Variants in DYM observed in about 807,000 individuals in gnomAD.
DYM encodes the protein dymeclin.
In DYM, 78 loss-of-function variants were observed where a neutral mutation model predicts 93.1. That is an observed-to-expected ratio of 0.84 (90% confidence interval 0.70 to 1.01). The LOEUF is 1.01. Among genes scored for constraint, DYM ranks in the 50% least tolerant of loss-of-function variants. The pLI is 0.00. For missense variants in DYM, 789 were observed against 845.0 expected, an observed-to-expected ratio of 0.93 and a Z score of 0.82; for synonymous variants, 321 against 319.7, an observed-to-expected ratio of 1.00 and a Z score of -0.04.
intron 13 of DYM, among the ~76,000 whole-genome samples, chr18:49,253,645 C>A (rs995934315): frequency 3.3e-5 from 5 of 152,110 alleles, no homozygotes; most frequent in African/African-American, 1.2e-4. Context: ...TGGTCCGCAC[C>A]GGCTACTCAA....
In DYM at chr18:49,202,320, A is replaced by C. The variant is rs184046987; in HGVS notation, c.1625+7231T>G. 1.8e-3 allele frequency among the ~76,000 whole-genome samples: 276 copies of C among 152,236 alleles called. 1 individual carries two copies. The highest frequency in any genetic ancestry group is 6.5e-3 in the African/African-American group (269 of 41,544). Reference sequence around the variant, plus strand: ...ACAGAAAAGAACTCTAGGGGAGTGCAGTGGCGTGATCTCGGCTCACTACAA... The same window carrying C: ...ACAGAAAAGAACTCTAGGGGAGTGCCGTGGCGTGATCTCGGCTCACTACAA... On this transcript the variant is annotated intron_variant, in intron 14 of 17. Transcript: ENST00000675505.
At chr18:49,149,755 A>G (rs1243715219) in intron 15 of DYM, among the ~76,000 whole-genome samples, 1 of 125,078 alleles carries the variant, frequency 8.0e-6, no homozygotes. Context: ...TCACCAGGCT[A>G]GAGTCCAGTG....
chr18:49,390,344 C>T (rs2069084747), intron 3 of DYM, among the ~76,000 whole-genome samples: 1 of 151,992 alleles, frequency 6.6e-6, no homozygotes, highest in South Asian at 2.1e-4. Flanking sequence ...GTGGAAGGAT[C>T]ACTGAAGCCC....
intron 2 of DYM, among the ~76,000 whole-genome samples, chr18:49,393,232 G>A (rs1196169652): frequency 6.6e-6 from 1 of 152,070 alleles, no homozygotes; most frequent in African/African-American, 2.4e-5. Flanking sequence ...CTGATGGTAT[G>A]TAAAATGATG....
intron 13 of DYM, among the ~76,000 whole-genome samples, chr18:49,210,722 T>C (rs78132519): frequency 0.08 from 12,247 of 152,198 alleles, 775 homozygotes; most frequent in East Asian, 0.31. Flanking sequence ...TGCAGTTTCA[T>C]CAACTATAAC....
At chr18:49,219,367 A>G (rs1057214994) in intron 13 of DYM, among the ~76,000 whole-genome samples, 4 of 152,232 alleles carry the variant, frequency 2.6e-5, no homozygotes, top group African/African-American at 9.6e-5. Flanking sequence ...AACTATTCCA[A>G]TCAATAGAAA....
chr18:49,303,442 G>A (rs1464602445), intron 8 of DYM, among the ~76,000 whole-genome samples: 1 of 152,192 alleles, frequency 6.6e-6, no homozygotes, highest in Non-Finnish European at 1.5e-5. Context: ...AAGTCTGCTA[G>A]GGAACTCCAG....
intron 17 of DYM, among the ~76,000 whole-genome samples, chr18:49,046,606 T>G (rs1400316617): frequency 6.6e-6 from 1 of 152,072 alleles, no homozygotes; most frequent in Non-Finnish European, 1.5e-5. Flanking sequence ...TGATTAAGAC[T>G]AAAAGCATCT....
At position 49,260,225 on chromosome 18, in the gene DYM, A is replaced by G. The variant is rs184038645; in HGVS notation, c.1252-1732T>C. ...CCCAATGATGACTCTCTAAGAATAC[A>G]AAAAATTAGCCGGGTGTAGTAGTGT... is the stretch of plus-strand genomic sequence containing the variant. On this transcript the variant is annotated intron_variant, in intron 11 of 17. Transcript: ENST00000675505. Among the ~76,000 whole-genome samples the G allele has an allele frequency of 3.4e-3, 511 of 152,298 alleles. 9 individuals are homozygous for G. Among genetic ancestry groups the G allele is most frequent in the East Asian group, 7.7e-4 (4 of 5,182 alleles).
intron 15 of DYM, among the ~76,000 whole-genome samples, chr18:49,121,421 TTAA>T: frequency 6.6e-6 from 1 of 152,158 alleles, no homozygotes; most frequent in Non-Finnish European, 1.5e-5. Context: ...AAGAAATGCA[TTAA>T]TATACATCTA....
chr18:49,258,839 CAGAGAGAGAGAGAGAG>C lies in DYM; in HGVS notation c.1252-362_1252-347del, dbSNP rs61360021. On this transcript the variant is annotated intron_variant, in intron 11 of 17. Transcript: ENST00000675505. ...ACACACACAGAGACACACACACACA[CAGAGAGAGAGAGAGAG>C]AGAGAGAGAGAGAGAGAGAGAGAGA... is the stretch of plus-strand genomic sequence containing the variant. 4.2e-3 allele frequency among the ~76,000 whole-genome samples: 474 copies of C among 113,742 alleles called. 12 individuals carry two copies. Among genetic ancestry groups the C allele is most frequent in the African/African-American group, 9.4e-3 (284 of 30,060 alleles). 74.6% of individuals were successfully genotyped at this position (113,742 alleles called of 152,430 possible).
At chr18:49,309,282 C>A (rs567156325) in intron 8 of DYM, among the ~76,000 whole-genome samples, 1 of 152,276 alleles carries the variant, frequency 6.6e-6, no homozygotes, top group African/African-American at 2.4e-5. Context: ...TGGATTTTCT[C>A]TCAAAGGTGG....
intron 1 of DYM, among the ~76,000 whole-genome samples, chr18:49,453,211 T>C (rs564308006): frequency 1.3e-5 from 1 of 77,500 alleles, no homozygotes; most frequent in East Asian, 3.7e-4. Context: ...GGAGAACTTT[T>C]GTGTCGAGCT....
intron 16 of DYM, among the ~76,000 whole-genome samples, chr18:49,102,266 T>C (rs1010938759): frequency 6.6e-6 from 1 of 152,240 alleles, no homozygotes; most frequent in Non-Finnish European, 1.5e-5. Flanking sequence ...TGTAAATTTC[T>C]CTCTGGGCTT....
In DYM at chr18:49,215,625, TTATACTC is replaced by T. The variant is rs1402307528; in HGVS notation, c.1461-5917_1461-5911del. Among the ~76,000 whole-genome samples the T allele has an allele frequency of 5.3e-5, 8 of 152,304 alleles. No homozygotes were observed. In the East Asian group the frequency reaches 9.6e-4, roughly 18 times the overall value. On this transcript the variant is annotated intron_variant, in intron 13 of 17. Coordinates refer to ENST00000675505, the MANE Select transcript of DYM (RefSeq NM_001353214.3). ...CATGTTTTGGGCAGTGTTGAAAAGATTATACTCTATTAATGCTGCTTAAAATTATACA... is the reference window on the plus strand; with the variant it reads ...CATGTTTTGGGCAGTGTTGAAAAGATTATTAATGCTGCTTAAAATTATACA...
rs529281111 is a variant in DYM, at chr18:49,188,561, C to T, written c.1625+20990G>A. The stretch of plus-strand genomic sequence containing the variant: ...GTAGGGACATGGATGAAGCTGGAAA[C>T]CATCATTCTCAGCAAACTATCGCAA... On this transcript the variant is annotated intron_variant, in intron 14 of 17. Transcript: ENST00000675505. Among the ~76,000 whole-genome samples the T allele has an allele frequency of 2.4e-4, 36 of 152,104 alleles. 1 individual carries two copies. The highest frequency in any genetic ancestry group is 2.9e-5 in the Non-Finnish European group (2 of 68,026).
intron 2 of DYM, among the ~76,000 whole-genome samples, chr18:49,412,151 T>C (rs1259186286): frequency 6.6e-6 from 1 of 150,400 alleles, no homozygotes; most frequent in Non-Finnish European, 1.5e-5. Context: ...AAAGGAAATA[T>C]AACTATTAAA....
intron 14 of DYM, among the ~76,000 whole-genome samples, chr18:49,184,797 A>G (rs527898148): frequency 3.5e-4 from 54 of 152,326 alleles, no homozygotes; most frequent in African/African-American, 1.2e-3. Flanking sequence ...ATATTTTTAG[A>G]CTACATTTGA....
chr18:49,211,579 A>C (rs1044278804), intron 13 of DYM, among the ~76,000 whole-genome samples: 1 of 152,232 alleles, frequency 6.6e-6, no homozygotes, highest in Non-Finnish European at 1.5e-5. Context: ...GCAAATTTCC[A>C]CAAACGAACA....
Sources: allele counts gnomAD v4.1 joint callset (sites outside exome capture counted in the v4.1 genomes callset), GRCh38; gene constraint gnomAD v4.1.1; transcripts MANE v1.5; gene names NCBI Gene and HGNC (gene_info 2026-07-23, HGNC 2026-07-21).